EGFL6: variants seen among roughly 807,000 people sequenced by gnomAD.
EGFL6 encodes EGF like domain multiple 6.
A neutral mutation model predicts 43.1 loss-of-function variants in EGFL6; 42 were observed. The observed-to-expected ratio is 0.98, with a 90% confidence interval of 0.76 to 1.26. The LOEUF (loss-of-function observed/expected upper bound fraction) is 1.26. EGFL6 is among the 50% of genes most tolerant of loss of function. The pLI is 0.00. For missense variants in EGFL6, 429 were observed against 427.8 expected (o/e 1.00, Z -0.02); for synonymous variants, 164 against 163.2 (o/e 1.01, Z -0.04).
intron 2 of EGFL6, among the ~76,000 whole-genome samples, chrX:13,593,866 T>G (rs1391382233): frequency 2.7e-5 from 3 of 110,998 alleles, no homozygotes; most frequent in Non-Finnish European, 5.7e-5. Context: ...GCTGGTATCT[T>G]TAAGAATAGG....
At chrX:13,575,509 G>C (rs182988413) in intron 1 of EGFL6, among the ~76,000 whole-genome samples, 52 of 112,073 alleles carry the variant, frequency 4.6e-4, no homozygotes, top group South Asian at 1.5e-3. Flanking sequence ...AGAGGCTTCA[G>C]AGGAAACCAA....
rs138839611 is a variant in EGFL6, at chrX:13,584,038, C to T, written c.75-5518C>T. On this transcript the variant is annotated intron_variant, in intron 1 of 11. Coordinates refer to ENST00000361306, the MANE Select transcript of EGFL6 (RefSeq NM_015507.4). ...AGGGAGCATTTACTGTGTTAGTCAC[C>T]ATTCACAGCCCTTTACATATATTTA... 3.6e-5 allele frequency among the ~76,000 whole-genome samples: 4 copies of T among 112,274 alleles called. No homozygotes were observed. In the East Asian group the frequency reaches 1.1e-3, roughly 31 times the overall value.
At chrX:13,613,787 A>G (rs1024810810) in intron 7 of EGFL6, among the ~76,000 whole-genome samples, 1 of 111,968 alleles carries the variant, frequency 8.9e-6, no homozygotes, top group Non-Finnish European at 1.9e-5. Flanking sequence ...AAATTCAACA[A>G]TCATTTCTGT....
At chrX:13,590,676 T>C (rs756740221) in intron 2 of EGFL6, among the ~76,000 whole-genome samples, 2 of 112,249 alleles carry the variant, frequency 1.8e-5, no homozygotes, top group Admixed American at 1.9e-4. Flanking sequence ...GGTCAGAACT[T>C]GATAATATCC....
intron 7 of EGFL6, 137 bp from the exon 8 acceptor site, chrX:13,617,590 TATC>T (rs11470622): frequency 0.11 from 53,709 of 506,544 alleles, 4,025 homozygotes; most frequent in African/African-American, 0.42. Flanking sequence ...CTTCCTAATT[TATC>T]ATCAAATAGT....
chrX:13,613,593 GT>G (rs1468587870), intron 7 of EGFL6, among the ~76,000 whole-genome samples: 1 of 111,419 alleles, frequency 9.0e-6, no homozygotes, highest in Non-Finnish European at 1.9e-5. Flanking sequence ...CAGTGCCTCA[GT>G]TTCCACACCT....
intron 1 of EGFL6, among the ~76,000 whole-genome samples, chrX:13,585,563 GA>G (rs961973694): frequency 9.0e-6 from 1 of 110,682 alleles, no homozygotes; most frequent in African/African-American, 3.3e-5. Flanking sequence ...GGATTATACT[GA>G]TTTTTTTTTT....
chrX:13,625,163 T>C (rs759241799), intron 10 of EGFL6: 1 of 111,404 alleles, frequency 9.0e-6, no homozygotes, highest in South Asian at 3.8e-4. Flanking sequence ...TTACAAACAC[T>C]CAATTCACAA....
At position 13,623,877 on chromosome X, in the gene EGFL6, C is replaced by T. The variant is rs2045764126; in HGVS notation, c.1237C>T (p.Gln413Ter). 3 of 1,206,859 alleles carry T rather than the reference C, an allele frequency of 2.5e-6. No homozygotes were observed. Among genetic ancestry groups the T allele is most frequent in the Non-Finnish European group, 3.4e-6 (3 of 892,992 alleles). ...SFNHGICDWK[Q>*]DREDDFDWNP... is the part of the protein sequence containing the mutation. ...CAATCATGGGATCTGTGACTGGAAA[C>T]AGGATAGAGAAGATGATTTTGACTG... Residue 413 changes from glutamine to a stop codon, truncating the protein, a stop_gained, in exon 10 of 12, where the codon CAG becomes TAG. Transcript: ENST00000361306. LOFTEE classifies it high-confidence loss of function.
Position 13,627,058 on chromosome X carries a change from G to A in EGFL6, c.1333G>A (p.Asp445Asn), listed in dbSNP as rs764691690. 4.1e-6 allele frequency: 5 copies of A among 1,212,059 alleles called. No individual in the cohort carries two copies. The East Asian group carries it at 8.9e-5, about 21-fold the overall frequency. The change falls in exon 11 of 12, where the codon GAC becomes AAC. Residue 445 changes from aspartate to asparagine, a missense_variant. By Grantham distance (23) the Asp-to-Asn change is conservative (BLOSUM62 1). Coordinates refer to ENST00000361306, the MANE Select transcript of EGFL6 (RefSeq NM_015507.4). The part of the protein sequence containing the change: ...AVPALAGHKK[D>N]IGRLKLLLPD... ...TCCGGCCTTGGCAGGTCACAAGAAA[G>A]ACATTGGCCGATTGAAACTTCTCCT...
chrX:13,626,201 C>T (rs748396631), intron 10 of EGFL6, among the ~76,000 whole-genome samples: 1 of 111,695 alleles, frequency 9.0e-6, no homozygotes, highest in South Asian at 3.8e-4. Context: ...GGAAGAAGAC[C>T]AGATTCTGGA....
chrX:13,629,843 G>A (rs2045801335), intron 11 of EGFL6, among the ~76,000 whole-genome samples: 1 of 111,751 alleles, frequency 8.9e-6, no homozygotes, highest in African/African-American at 3.3e-5. Context: ...GCTTTTGAAA[G>A]GCTAAAAATG....
intron 1 of EGFL6, among the ~76,000 whole-genome samples, chrX:13,586,695 C>T (rs928888143): frequency 2.7e-5 from 3 of 111,747 alleles, no homozygotes; most frequent in African/African-American, 9.8e-5. Flanking sequence ...CTGTCCATTG[C>T]ACCATATGAC....
intron 10 of EGFL6, among the ~76,000 whole-genome samples, chrX:13,625,405 G>T (rs775499019): frequency 8.1e-5 from 9 of 111,329 alleles, no homozygotes; most frequent in Non-Finnish European, 1.3e-4. Flanking sequence ...GGGTGCGGTG[G>T]CTCATGTATG....
chrX:13,618,046 T>C lies in EGFL6; in HGVS notation c.1095T>C (p.Asp365=). 8.5e-7 allele frequency: 1 copy of C among 1,179,306 alleles called. No homozygotes were observed. Among genetic ancestry groups the C allele is most frequent in the Non-Finnish European group, 1.1e-6 (1 of 879,856 alleles). The part of the protein sequence containing the change: ...NDIEERSLRG[D]VFFPKVNEAG... ...TAGAGGAGCGAAGCCTGCGAGGAGATGTGTTTTGTGAGTGTTATTTTTATT... is the reference window on the plus strand; with the variant it reads ...TAGAGGAGCGAAGCCTGCGAGGAGACGTGTTTTGTGAGTGTTATTTTTATT... The change falls in exon 8 of 12, where the codon GAT becomes GAC. Residue 365 remains aspartate, a synonymous_variant. Transcript: ENST00000361306.
chrX:13,575,516 C>A (rs188067243), intron 1 of EGFL6, among the ~76,000 whole-genome samples: 1 of 111,972 alleles, frequency 8.9e-6, no homozygotes, highest in African/African-American at 3.2e-5. Flanking sequence ...TCAGAGGAAA[C>A]CAACCCTACC....
intron 5 of EGFL6, among the ~76,000 whole-genome samples, chrX:13,605,578 CAAA>C (rs61513005): frequency 0.11 from 6,471 of 60,262 alleles, 223 homozygotes; most frequent in East Asian, 0.21. Flanking sequence ...GGCCTTGTCT[CAAA>C]AAAAAAAAAA....
chrX:13,628,258 A>G (rs761798490), intron 11 of EGFL6, among the ~76,000 whole-genome samples: 1 of 111,192 alleles, frequency 9.0e-6, no homozygotes, highest in Non-Finnish European at 1.9e-5. Context: ...TACTGAGTTA[A>G]TCTTTTATTG....
At chrX:13,610,553 AG>A (rs1420697673) in intron 7 of EGFL6, among the ~76,000 whole-genome samples, 2 of 112,261 alleles carry the variant, frequency 1.8e-5, no homozygotes, top group Non-Finnish European at 1.9e-5. Context: ...TTGGCTGCCC[AG>A]GCAGGGCTGT....
Sources: gnomAD v4.1 joint callset for allele counts (sites outside exome capture counted in the v4.1 genomes callset) on GRCh38, gnomAD v4.1.1 for gene constraint, MANE v1.5 for transcripts, NCBI Gene and HGNC (gene_info 2026-07-23, HGNC 2026-07-21) for gene names.